PNOC: variants seen among roughly 807,000 people sequenced by gnomAD.
PNOC encodes the protein prepronociceptin.
In PNOC, 10 loss-of-function variants were observed where a neutral mutation model predicts 15.6. The observed-to-expected ratio is 0.64, with a 90% CI of 0.40 to 1.09. The LOEUF (loss-of-function observed/expected upper bound fraction) is 1.09, where lower values mean the gene tolerates loss of function less well. Among genes scored for constraint, PNOC ranks in the 50% least tolerant of loss-of-function variants. PNOC has a pLI of 0.01. For synonymous variants in PNOC, 98 were observed against 88.5 expected, an observed-to-expected ratio of 1.11 and a Z score of -0.60; for missense variants, 220 against 223.9, an observed-to-expected ratio of 0.98 and a Z score of 0.11.
intron 2 of PNOC, among the ~76,000 whole-genome samples, chr8:28,333,006 G>C (rs931186602): frequency 6.6e-6 from 1 of 152,192 alleles, no homozygotes; most frequent in African/African-American, 2.4e-5. Flanking sequence ...CCTTCTGGTA[G>C]TTCTTTCTAT....
At chr8:28,324,869 CAAAA>C (rs543387808) in intron 1 of PNOC, among the ~76,000 whole-genome samples, 1 of 151,792 alleles carries the variant, frequency 6.6e-6, no homozygotes, top group Non-Finnish European at 1.5e-5. Flanking sequence ...TCTCAAAAAA[CAAAA>C]AAGAGTGTTA....
At chr8:28,333,257 C>T (rs1349980530) in intron 2 of PNOC, among the ~76,000 whole-genome samples, 2 of 152,148 alleles carry the variant, frequency 1.3e-5, no homozygotes, top group Non-Finnish European at 2.9e-5. Flanking sequence ...CACTTTGTAC[C>T]CTAATCTTTG....
chr8:28,317,556 G>A (rs1801079178), intron 1 of PNOC, among the ~76,000 whole-genome samples: 1 of 152,226 alleles, frequency 6.6e-6, no homozygotes, highest in South Asian at 2.1e-4. Flanking sequence ...GAAGCAGAAA[G>A]AGGGGAACTT....
intron 1 of PNOC, among the ~76,000 whole-genome samples, chr8:28,327,849 G>C (rs1225295865): frequency 6.6e-6 from 1 of 151,910 alleles, no homozygotes; most frequent in Non-Finnish European, 1.5e-5. Context: ...AGTCCTGGAG[G>C]CTGGGAAGTT....
rs561216492 is a variant in PNOC, at chr8:28,322,601, C to T, written c.-24+5285C>T. 5.3e-5 allele frequency among the ~76,000 whole-genome samples: 8 copies of T among 152,240 alleles called. No individual in the cohort carries two copies. The South Asian group carries it at 6.2e-4, about 12-fold the overall frequency. On this transcript the variant is annotated intron_variant, in intron 1 of 3. Coordinates refer to ENST00000301908, the MANE Select transcript of PNOC (RefSeq NM_006228.5). ...ATAAAATGGGGATGATAGCACTTACCCCATAGGGTGATGCTTATAAAGCAA... is the reference window on the plus strand; with the variant it reads ...ATAAAATGGGGATGATAGCACTTACTCCATAGGGTGATGCTTATAAAGCAA...
At chr8:28,328,657 A>G (rs11992919) in intron 1 of PNOC, among the ~76,000 whole-genome samples, 3,925 of 152,198 alleles carry the variant, frequency 0.026, 151 homozygotes, top group African/African-American at 0.089. Context: ...TACAGATCTC[A>G]TTTCATCTTC....
At chr8:28,330,399 T>TTATTTTATTTTATTTTATTA (rs796269575) in intron 2 of PNOC, among the ~76,000 whole-genome samples, 5 of 104,102 alleles carry the variant, frequency 4.8e-5, no homozygotes, top group African/African-American at 1.4e-4. Flanking sequence ...TTATTTTATT[T>TTATTTTATTTTATTTTATTA]TTTTTTTTTT....
chr8:28,331,398 C>T (rs1459694101), intron 2 of PNOC, among the ~76,000 whole-genome samples: 1 of 152,108 alleles, frequency 6.6e-6, no homozygotes, highest in Non-Finnish European at 1.5e-5. Flanking sequence ...CATTCTCTTC[C>T]TCACTCTGGC....
intron 3 of PNOC, among the ~76,000 whole-genome samples, chr8:28,341,394 A>G (rs1034030854): frequency 2.0e-5 from 3 of 152,296 alleles, no homozygotes; most frequent in Non-Finnish European, 4.4e-5. Context: ...ATTTCTTTCT[A>G]ACACATATCT....
Position 28,329,093 on chromosome 8 carries a change from G to A in PNOC, c.-23-42G>A, listed in dbSNP as rs530051473. ...GGTCTCTGGCCCTGAGCAGCCCTCCGAGAATGGCTGTACTCATTGCCATGC... is the reference window on the plus strand; with the variant it reads ...GGTCTCTGGCCCTGAGCAGCCCTCCAAGAATGGCTGTACTCATTGCCATGC... On this transcript the variant is annotated intron_variant, in intron 1 of 3. Coordinates refer to ENST00000301908, the MANE Select transcript of PNOC (RefSeq NM_006228.5). 1.2e-4 allele frequency: 188 copies of A among 1,596,848 alleles called. 1 individual carries two copies. The highest frequency in any genetic ancestry group is 5.0e-4 in the Middle Eastern group (3 of 6,020).
At position 28,329,134 on chromosome 8, in the gene PNOC, G is replaced by T. The variant is rs1488130302; in HGVS notation, c.-23-1G>T. On this transcript the variant is annotated splice_acceptor_variant, in intron 1 of 3. Transcript: ENST00000301908. LOFTEE classifies it low-confidence loss of function (5UTR_SPLICE). ...ATTGCCATGCTTCCTGTATGTTCCAGCACCTGCTTCCTGCTCCTGCACCAT... is the reference window on the plus strand; with the variant it reads ...ATTGCCATGCTTCCTGTATGTTCCATCACCTGCTTCCTGCTCCTGCACCAT... 6.2e-7 allele frequency: 1 copy of T among 1,612,218 alleles called. No homozygotes were observed. The highest frequency in any genetic ancestry group is 8.5e-7 in the Non-Finnish European group (1 of 1,179,914).
intron 1 of PNOC, among the ~76,000 whole-genome samples, chr8:28,323,109 AGCTG>A (rs1459263098): frequency 6.6e-6 from 1 of 152,272 alleles, no homozygotes. Context: ...CTTCGGCTAA[AGCTG>A]CATATGTGAT....
intron 2 of PNOC, 94 bp downstream of exon 2, chr8:28,329,377 C>T: frequency 7.0e-7 from 1 of 1,429,396 alleles, no homozygotes; most frequent in African/African-American, 1.4e-5. Context: ...GAAGCCAAGG[C>T]CTCTCCCACA....
chr8:28,340,884 C>A (rs1420212151), intron 3 of PNOC, among the ~76,000 whole-genome samples: 1 of 152,180 alleles, frequency 6.6e-6, no homozygotes, highest in African/African-American at 2.4e-5. Flanking sequence ...AAGGATCCAC[C>A]CCCATGACCC....
chr8:28,325,753 A>C (rs1006657225), intron 1 of PNOC, among the ~76,000 whole-genome samples: 13 of 151,562 alleles, frequency 8.6e-5, no homozygotes, highest in Admixed American at 7.9e-4. Flanking sequence ...AGGCTATGCA[A>C]GGTTAGGTGC....
At chr8:28,337,345 C>T (rs1364361837) in intron 2 of PNOC, among the ~76,000 whole-genome samples, 1 of 152,218 alleles carries the variant, frequency 6.6e-6, no homozygotes, top group Non-Finnish European at 1.5e-5. Context: ...CTCTGTCACC[C>T]AGGCTGGAGT....
At chr8:28,329,385 A>C in intron 2 of PNOC, 102 bp downstream of exon 2, 1 of 1,331,448 alleles carries the variant, frequency 7.5e-7, no homozygotes, top group Non-Finnish European at 1.0e-6. Context: ...GGCCTCTCCC[A>C]CAGCTCACAG....
chr8:28,325,372 A>G (rs1018666860), intron 1 of PNOC, among the ~76,000 whole-genome samples: 6 of 152,000 alleles, frequency 3.9e-5, no homozygotes, highest in African/African-American at 1.2e-4. Flanking sequence ...GACATTAAGA[A>G]GCCAGGCACA....
rs1046674714 is a variant in PNOC, at chr8:28,334,501, A to AT, written c.127-4530dup. On this transcript the variant is annotated intron_variant, in intron 2 of 3. Transcript: ENST00000301908. Reference sequence around the variant, plus strand: ...TTGCATTCTAACAAACTCCAGTAGCATTTTTTTTTCTTTGAGACAGTCCCG... The same window carrying AT: ...TTGCATTCTAACAAACTCCAGTAGCATTTTTTTTTTCTTTGAGACAGTCCCG... Among the ~76,000 whole-genome samples, 21 of 151,272 alleles carry AT rather than the reference A, an allele frequency of 1.4e-4. No homozygotes were observed. The South Asian group carries it at 3.4e-3, about 24-fold the overall frequency.
Sources: gnomAD v4.1 joint callset for allele counts (sites outside exome capture counted in the v4.1 genomes callset) on GRCh38, gnomAD v4.1.1 for gene constraint, MANE v1.5 for transcripts, NCBI Gene and HGNC (gene_info 2026-07-23, HGNC 2026-07-21) for gene names.